The following ALK variants were observed in gnomAD, a reference collection of about 807,000 sequenced individuals.
ALK encodes the protein ALK receptor tyrosine kinase.
Under a neutral mutation model 163.1 loss-of-function variants are expected in ALK, and 74 were observed. That is an observed-to-expected ratio of 0.45 (90% confidence interval 0.38 to 0.55). ALK has a LOEUF of 0.55. Ranked by LOEUF, ALK falls within the 20% of genes least tolerant of loss-of-function variation. ALK has a pLI of 0.00. For missense variants in ALK, 2,063 were observed against 2,105.3 expected, an observed-to-expected ratio of 0.98 and a Z score of 0.39; for synonymous variants, 960 against 843.2, an observed-to-expected ratio of 1.14 and a Z score of -2.40.
rs575302809 is a variant in ALK, at chr2:29,614,088, G to A, written c.952+80762C>T. Among the ~76,000 whole-genome samples the A allele has an allele frequency of 1.6e-4, 25 of 152,268 alleles. 1 individual carries two copies. In the East Asian group the frequency reaches 4.5e-3, roughly 27 times the overall value. ...ACTCAGAGAAAGTGAGGAGGAGCTG[G>A]GGCAGAGTTCACCTCCCCCTACCGT... On this transcript the variant is annotated intron_variant, in intron 3 of 28. Transcript: ENST00000389048.
At chr2:29,700,024 G>C (rs910056250) in intron 2 of ALK, among the ~76,000 whole-genome samples, 1 of 152,192 alleles carries the variant, frequency 6.6e-6, no homozygotes, top group African/African-American at 2.4e-5. Context: ...GAAAGAAATG[G>C]AGCATGTACC....
At chr2:29,584,873 T>C (rs1674835041) in intron 3 of ALK, among the ~76,000 whole-genome samples, 1 of 152,250 alleles carries the variant, frequency 6.6e-6, no homozygotes, top group South Asian at 2.1e-4. Flanking sequence ...GATTTCTCTC[T>C]GGTCATAGTT....
At chr2:29,643,607 G>A (rs17008380) in intron 3 of ALK, among the ~76,000 whole-genome samples, 2,234 of 152,238 alleles carry the variant, frequency 0.015, 47 homozygotes, top group African/African-American at 0.042. Flanking sequence ...AGCCAGGAGC[G>A]GGTGAACAGT....
Position 29,669,171 on chromosome 2 carries a change from T to C in ALK, c.952+25679A>G, listed in dbSNP as rs1038511466. ...CTCTGTTGATTTTCTGTCTGGATGA[T>C]CTGTCCATTACTAAAAGTGGGGTGT... On this transcript the variant is annotated intron_variant, in intron 3 of 28. Coordinates refer to ENST00000389048, the MANE Select transcript of ALK (RefSeq NM_004304.5). 4.6e-5 allele frequency among the ~76,000 whole-genome samples: 7 copies of C among 152,082 alleles called. No individual in the cohort carries two copies. The South Asian group carries it at 6.2e-4, about 14-fold the overall frequency.
At chr2:29,656,945 TC>T (rs1259699648) in intron 3 of ALK, among the ~76,000 whole-genome samples, 2 of 152,194 alleles carry the variant, frequency 1.3e-5, no homozygotes, top group Non-Finnish European at 2.9e-5. Context: ...GCATGGTGTC[TC>T]CCTCTTCTGC....
At chr2:29,438,835 G>C (rs1026223353) in intron 4 of ALK, among the ~76,000 whole-genome samples, 2 of 152,184 alleles carry the variant, frequency 1.3e-5, no homozygotes, top group African/African-American at 4.8e-5. Context: ...CAATGGAGTA[G>C]GTTACAATAT....
intron 5 of ALK, among the ~76,000 whole-genome samples, chr2:29,338,192 T>C (rs1292665121): frequency 6.6e-6 from 1 of 152,174 alleles, no homozygotes; most frequent in Non-Finnish European, 1.5e-5. Flanking sequence ...AAGGCTCTGT[T>C]AGATCCTTGC....
At chr2:29,556,675 T>G (rs1013063080) in intron 3 of ALK, among the ~76,000 whole-genome samples, 13 of 152,222 alleles carry the variant, frequency 8.5e-5, no homozygotes, top group Non-Finnish European at 1.5e-5. Flanking sequence ...TAGTGGGGCC[T>G]GTGAGAACCA....
chr2:29,545,861 A>G (rs993347330), intron 3 of ALK, among the ~76,000 whole-genome samples: 6 of 152,182 alleles, frequency 3.9e-5, no homozygotes, highest in Non-Finnish European at 8.8e-5. Context: ...TATTAATCTT[A>G]AGATAATGAG....
At chr2:29,709,581 C>G (rs1226308066) in intron 2 of ALK, among the ~76,000 whole-genome samples, 3 of 152,156 alleles carry the variant, frequency 2.0e-5, no homozygotes, top group African/African-American at 7.2e-5. Context: ...CCACAAATAA[C>G]TAAGACACAA....
intron 5 of ALK, among the ~76,000 whole-genome samples, chr2:29,377,474 C>A (rs1475708292): frequency 3.8e-3 from 455 of 118,886 alleles, no homozygotes; most frequent in South Asian, 4.7e-3. Flanking sequence ...GACTACATCT[C>A]AAAAAAAAAA....
intron 4 of ALK, among the ~76,000 whole-genome samples, chr2:29,465,140 C>T (rs776457150): frequency 3.6e-4 from 54 of 151,934 alleles, no homozygotes; most frequent in Non-Finnish European, 6.5e-4. Context: ...AATCTAAATG[C>T]TTAATATGAG....
At chr2:29,398,593 T>A (rs1427283991) in intron 4 of ALK, among the ~76,000 whole-genome samples, 1 of 152,146 alleles carries the variant, frequency 6.6e-6, no homozygotes, top group African/African-American at 2.4e-5. Flanking sequence ...GTAAAACCCA[T>A]GTCTTCACCC....
intron 1 of ALK, among the ~76,000 whole-genome samples, chr2:29,818,088 G>T (rs972180912): frequency 3.9e-5 from 6 of 152,124 alleles, no homozygotes; most frequent in African/African-American, 1.2e-4. Context: ...TCCACTGTGC[G>T]AGAGGCAGGG....
intron 3 of ALK, among the ~76,000 whole-genome samples, chr2:29,635,158 T>C (rs4542805): frequency 0.99 from 151,522 of 152,290 alleles, 75,384 homozygotes; most frequent in Non-Finnish European, 1. Context: ...GAAAGAATAC[T>C]AAGTTCATGG....
intron 1 of ALK, among the ~76,000 whole-genome samples, chr2:29,856,281 T>C (rs1666135883): frequency 6.6e-6 from 1 of 152,194 alleles, no homozygotes; most frequent in South Asian, 2.1e-4. Flanking sequence ...AATAACAGCA[T>C]CTTTATTTTA....
intron 1 of ALK, among the ~76,000 whole-genome samples, chr2:29,870,749 G>A (rs1666557636): frequency 1.3e-5 from 2 of 152,196 alleles, no homozygotes; most frequent in African/African-American, 4.8e-5. Context: ...AACTAATGGT[G>A]TTGGTTATCT....
intron 4 of ALK, among the ~76,000 whole-genome samples, chr2:29,386,043 T>G (rs2148303520): frequency 6.6e-6 from 1 of 152,350 alleles, no homozygotes; most frequent in African/African-American, 2.4e-5. Context: ...TTTCTGCCTT[T>G]GCTAACTTTT....
intron 3 of ALK, among the ~76,000 whole-genome samples, chr2:29,638,030 G>A (rs1331354530): frequency 6.6e-6 from 1 of 152,100 alleles, no homozygotes; most frequent in Non-Finnish European, 1.5e-5. Context: ...GAGCTCTAGT[G>A]TTCAGATCAG....
Sources: gnomAD v4.1 joint callset for allele counts (sites outside exome capture counted in the v4.1 genomes callset) on GRCh38, gnomAD v4.1.1 for gene constraint, MANE v1.5 for transcripts, NCBI Gene and HGNC (gene_info 2026-07-23, HGNC 2026-07-21) for gene names.